The following LEF1 variants were observed in gnomAD, a reference collection of about 807,000 sequenced individuals.
The protein encoded by LEF1 is lymphoid enhancer-binding factor 1.
In LEF1, 14 loss-of-function variants were observed where a neutral mutation model predicts 51.2. The ratio of observed to expected loss-of-function variants is 0.27; its 90% CI spans 0.18 to 0.43. The LOEUF is 0.43. Among genes scored for constraint, LEF1 ranks in the 20% least tolerant of loss-of-function variants. The pLI is 1.00. For missense variants in LEF1, 386 were observed against 512.0 expected (o/e 0.75, Z 2.37); for synonymous variants, 185 against 183.2 (o/e 1.01, Z -0.08).
chr4:108,153,419 A>G (rs1744481907), intron 3 of LEF1, among the ~76,000 whole-genome samples: 1 of 152,204 alleles, frequency 6.6e-6, no homozygotes, highest in African/African-American at 2.4e-5. Flanking sequence ...ACTGCCTGAT[A>G]CTGTCTGGCC....
chr4:108,086,371 A>G (rs922427629), intron 4 of LEF1, among the ~76,000 whole-genome samples: 47 of 152,322 alleles, frequency 3.1e-4, no homozygotes, highest in African/African-American at 1.1e-3. Context: ...TACAGGCATG[A>G]ACCACATTGT....
intron 5 of LEF1, among the ~76,000 whole-genome samples, chr4:108,082,160 A>G (rs1396180315): frequency 6.6e-6 from 1 of 152,218 alleles, no homozygotes; most frequent in Non-Finnish European, 1.5e-5. Context: ...TATACATGTT[A>G]AAGTCAAGAA....
At position 108,167,418 on chromosome 4, in the gene LEF1, G is replaced by T; in HGVS notation, c.213+137C>A. ...CACTGCGGACCGGGGGCCCAGCTAC[G>T]CACACACCCCAAAACAAACGAGGGA... is the stretch of plus-strand genomic sequence containing the variant. On this transcript the variant is annotated intron_variant, in intron 1 of 11. Coordinates refer to ENST00000265165, the MANE Select transcript of LEF1 (RefSeq NM_016269.5). The surrounding 1 kb of genome is among the most constrained non-coding windows in gnomAD (Gnocchi z 5.7). 1.4e-6 allele frequency: 1 copy of T among 713,640 alleles called. No individual in the cohort carries two copies. 44.2% of individuals were successfully genotyped at this position (713,640 alleles called of 1,614,324 possible).
intron 3 of LEF1, among the ~76,000 whole-genome samples, chr4:108,139,484 T>C (rs755574254): frequency 9.2e-5 from 14 of 152,322 alleles, no homozygotes; most frequent in Non-Finnish European, 1.6e-4. Flanking sequence ...TAAATGTGAC[T>C]ATGTCCAGCA....
intron 4 of LEF1, among the ~76,000 whole-genome samples, chr4:108,085,879 T>C (rs1448389609): frequency 1.3e-5 from 2 of 152,240 alleles, no homozygotes; most frequent in South Asian, 2.1e-4. Context: ...AATGATTTCC[T>C]GCATGAGCTT....
Position 108,085,931 on chromosome 4 carries a change from G to A in LEF1, c.548-2485C>T, listed in dbSNP as rs185421952. Among the ~76,000 whole-genome samples the A allele has an allele frequency of 7.2e-5, 11 of 152,304 alleles. No homozygotes were observed. In the East Asian group the frequency reaches 1.9e-3, roughly 27 times the overall value. On this transcript the variant is annotated intron_variant, in intron 4 of 11. Coordinates refer to ENST00000265165, the MANE Select transcript of LEF1 (RefSeq NM_016269.5). Reference sequence around the variant, plus strand: ...AAAAGATCACATTTTACCAATTTATGTATCTAACCATGGTTTTCTGCAGAG... The same window carrying A: ...AAAAGATCACATTTTACCAATTTATATATCTAACCATGGTTTTCTGCAGAG...
intron 11 of LEF1, among the ~76,000 whole-genome samples, chr4:108,060,629 C>T (rs1473894668): frequency 6.6e-6 from 1 of 152,034 alleles, no homozygotes; most frequent in Admixed American, 6.6e-5. Context: ...TCTGTAATAA[C>T]GGTGGTTATT....
chr4:108,082,261 T>C (rs1560776304), intron 5 of LEF1, among the ~76,000 whole-genome samples: 1 of 152,234 alleles, frequency 6.6e-6, no homozygotes, highest in Admixed American at 6.5e-5. Flanking sequence ...ATTTTTCATT[T>C]ACACAGACTT....
intron 3 of LEF1, among the ~76,000 whole-genome samples, chr4:108,090,490 C>T (rs1739947618): frequency 6.6e-6 from 1 of 151,992 alleles, no homozygotes; most frequent in African/African-American, 2.4e-5. Flanking sequence ...CCCAAAAGTG[C>T]TTACTAAGTA....
chr4:108,085,055 G>A (rs1177629566), intron 4 of LEF1, among the ~76,000 whole-genome samples: 1 of 152,124 alleles, frequency 6.6e-6, no homozygotes, highest in East Asian at 1.9e-4. Context: ...AATCGTAGCG[G>A]TCACAGACTA....
chr4:108,100,901 C>A (rs1450981937), intron 3 of LEF1, among the ~76,000 whole-genome samples: 1 of 152,202 alleles, frequency 6.6e-6, no homozygotes, highest in Non-Finnish European at 1.5e-5. Context: ...TAATCTTGAT[C>A]TCTGTCTGAA....
intron 3 of LEF1, among the ~76,000 whole-genome samples, chr4:108,126,370 T>G (rs1742527498): frequency 1.3e-5 from 2 of 152,120 alleles, no homozygotes. Context: ...CATTAGGGTG[T>G]GATAGGAATG....
intron 3 of LEF1, among the ~76,000 whole-genome samples, chr4:108,111,075 T>C (rs1741503603): frequency 6.6e-6 from 1 of 152,122 alleles, no homozygotes; most frequent in African/African-American, 2.4e-5. Context: ...TGCTAATCAA[T>C]AACTACCCCC....
chr4:108,167,415 TACGCAC>T lies in LEF1; in HGVS notation c.213+134_213+139del. On this transcript the variant is annotated intron_variant, in intron 1 of 11. Coordinates refer to ENST00000265165, the MANE Select transcript of LEF1 (RefSeq NM_016269.5). This position sits in a 1 kb window ranked among gnomAD's most constrained non-coding sequence, Gnocchi z 5.7. ...ACACACTGCGGACCGGGGGCCCAGCTACGCACACACCCCAAAACAAACGAGGGATCT... is the reference window on the plus strand; with the variant it reads ...ACACACTGCGGACCGGGGGCCCAGCTACACCCCAAAACAAACGAGGGATCT... 6 of 707,288 alleles carry T rather than the reference TACGCAC, an allele frequency of 8.5e-6. No individual in the cohort carries two copies. Among genetic ancestry groups the T allele is most frequent in the Non-Finnish European group, 1.2e-5 (5 of 419,330 alleles). The allele number at this position is 707,288 out of a possible 1,614,324, so 43.8% of individuals were successfully genotyped here.
chr4:108,116,312 G>A lies in LEF1; in HGVS notation c.415-27055C>T, dbSNP rs561163845. Among the ~76,000 whole-genome samples, 9 of 152,280 alleles carry A rather than the reference G, an allele frequency of 5.9e-5. No homozygotes were observed. The South Asian group carries it at 1.9e-3, about 32-fold the overall frequency. ...GAGGTGAGAGGACTGCTTGAACCCA[G>A]GAGTTCAAGACCAGCCTGGGCAACA... On this transcript the variant is annotated intron_variant, in intron 3 of 11. Coordinates refer to ENST00000265165, the MANE Select transcript of LEF1 (RefSeq NM_016269.5).
Position 108,094,903 on chromosome 4 carries a change from G to A in LEF1, c.415-5646C>T, listed in dbSNP as rs1372677881. Among the ~76,000 whole-genome samples the A allele has an allele frequency of 3.9e-5, 6 of 152,242 alleles. No homozygotes were observed. In the Middle Eastern group the frequency reaches 0.01, roughly 259 times the overall value. On this transcript the variant is annotated intron_variant, in intron 3 of 11. Transcript: ENST00000265165. ...ATAAAGCCATGTAACTTCATGCTGC[G>A]CCTTTCCCTCCTTTTCTGAGAATCT... is the stretch of plus-strand genomic sequence containing the variant.
intron 3 of LEF1, among the ~76,000 whole-genome samples, chr4:108,147,684 T>C (rs1744081844): frequency 6.6e-6 from 1 of 152,216 alleles, no homozygotes; most frequent in Admixed American, 6.5e-5. Flanking sequence ...AGTACAGTGA[T>C]TCCCTGCAAT....
At position 108,167,351 on chromosome 4, in the gene LEF1, TAC is replaced by T. The variant is rs35000095; in HGVS notation, c.213+202_213+203del. On this transcript the variant is annotated intron_variant, in intron 1 of 11. Transcript: ENST00000265165. This position sits in a 1 kb window ranked among gnomAD's most constrained non-coding sequence, Gnocchi z 5.7. ...TACCCTGCCCCTCTACCTCCCATCCTACACACACACACACACACACACACACA... is the reference window on the plus strand; with the variant it reads ...TACCCTGCCCCTCTACCTCCCATCCTACACACACACACACACACACACACA... Among the ~76,000 whole-genome samples the T allele has an allele frequency of 0.25, 32,364 of 131,376 alleles. 4,205 individuals carry two copies. The highest frequency in any genetic ancestry group is 0.55 in the East Asian group (2,336 of 4,274). The allele number at this position is 131,376 out of a possible 152,430, so 86.2% of individuals were successfully genotyped here. A position where few individuals can be genotyped will look rare whatever the true frequency, so the allele number is the denominator to read the frequency against.
chr4:108,079,379 A>G (rs1739132097), intron 7 of LEF1, 113 bp downstream of exon 7: 2 of 1,185,136 alleles, frequency 1.7e-6, no homozygotes, highest in South Asian at 1.3e-5. Flanking sequence ...GCAGAGGTGC[A>G]TTGAGTTTCA....
Sources: allele counts gnomAD v4.1 joint callset (sites outside exome capture counted in the v4.1 genomes callset), GRCh38; gene constraint gnomAD v4.1.1; non-coding constraint Gnocchi (gnomAD v3.1); transcripts MANE v1.5; gene names NCBI Gene and HGNC (gene_info 2026-07-23, HGNC 2026-07-21).